Variants in NOL4L observed in about 807,000 individuals in gnomAD.
The protein encoded by NOL4L is nucleolar protein 4 like.
NOL4L carries 7 observed loss-of-function variants against 64.5 expected under a neutral mutation model. The observed-to-expected ratio is 0.11, with a 90% CI of 0.06 to 0.20. The LOEUF (loss-of-function observed/expected upper bound fraction) is 0.20, where lower values mean the gene tolerates loss of function less well. NOL4L is among the 10% of genes least tolerant of loss of function. The pLI is 1.00. For missense variants in NOL4L, 680 were observed against 967.1 expected (o/e 0.70, Z 3.94); for synonymous variants, 413 against 401.0 (o/e 1.03, Z -0.36).
chr20:32,550,153 G>A (rs6141318), intron 1 of NOL4L, among the ~76,000 whole-genome samples: 20,448 of 152,204 alleles, frequency 0.13, 1,957 homozygotes, highest in African/African-American at 0.27. Context: ...TGATTGCATC[G>A]TTGTGCGAAC....
chr20:32,550,298 G>T (rs1276117641), intron 1 of NOL4L, among the ~76,000 whole-genome samples: 2 of 152,328 alleles, frequency 1.3e-5, no homozygotes, highest in South Asian at 4.1e-4. Context: ...CCAGGCTGGA[G>T]TGCAATGGTG....
intron 1 of NOL4L, among the ~76,000 whole-genome samples, chr20:32,554,306 G>C (rs1568710397): frequency 7.5e-6 from 1 of 133,972 alleles, no homozygotes; most frequent in Non-Finnish European, 1.5e-5. Flanking sequence ...GGGCGACAGA[G>C]TGAGACTCTG....
intron 1 of NOL4L, among the ~76,000 whole-genome samples, chr20:32,534,252 C>T (rs1435456319): frequency 6.6e-6 from 1 of 152,168 alleles, no homozygotes; most frequent in Non-Finnish European, 1.5e-5. Flanking sequence ...TAGGATAGGC[C>T]TTCTGGTGCA....
In NOL4L at chr20:32,488,817, C is replaced by G. The variant is rs1600739081; in HGVS notation, c.700-14075G>C. On this transcript the variant is annotated intron_variant, in intron 4 of 10. Coordinates refer to ENST00000621426, the MANE Select transcript of NOL4L (RefSeq NM_001256798.2). ...TTTCTTTCTTTCTTTTTCTTTCTTT[C>G]TTTCTTTCTTTTTCTTTCTTTCTTT... is the stretch of plus-strand genomic sequence containing the variant. Among the ~76,000 whole-genome samples, 2 of 23,954 alleles carry G rather than the reference C, an allele frequency of 8.3e-5. 1 individual carries two copies. The highest frequency in any genetic ancestry group is 4.3e-3 in the East Asian group (2 of 462). 15.7% of individuals were successfully genotyped at this position (23,954 alleles called of 152,430 possible).
chr20:32,490,176 CACATTAT>C (rs2016411478), intron 4 of NOL4L, among the ~76,000 whole-genome samples: 1 of 146,522 alleles, frequency 6.8e-6, no homozygotes, highest in Non-Finnish European at 1.5e-5. Flanking sequence ...TGTATATACA[CACATTAT>C]GTATATATAT....
At chr20:32,492,690 G>A (rs570545996) in intron 4 of NOL4L, among the ~76,000 whole-genome samples, 1 of 152,360 alleles carries the variant, frequency 6.6e-6, no homozygotes, top group Admixed American at 6.5e-5. Flanking sequence ...CCTGTGCTGG[G>A]CAGTGTGTAT....
intron 6 of NOL4L, 29 bp downstream of exon 6, chr20:32,456,089 A>C: frequency 6.8e-7 from 1 of 1,469,490 alleles, no homozygotes; most frequent in African/African-American, 1.4e-5. Flanking sequence ...TTACAGAAAG[A>C]AATGGACTCA....
At position 32,464,475 on chromosome 20, in the gene NOL4L, G is replaced by A. The variant is rs546548598; in HGVS notation, c.842-8080C>T. Among the ~76,000 whole-genome samples the A allele has an allele frequency of 1.1e-4, 17 of 152,322 alleles. No homozygotes were observed. The highest frequency in any genetic ancestry group is 9.1e-4 in the Admixed American group (14 of 15,312). On this transcript the variant is annotated intron_variant, in intron 5 of 10. Coordinates refer to ENST00000621426, the MANE Select transcript of NOL4L (RefSeq NM_001256798.2). This position sits in a 1 kb window ranked among gnomAD's most constrained non-coding sequence, Gnocchi z 5.6. Reference sequence around the variant, plus strand: ...CCCTGTGGTTCACACAGCCTGGCCCGGCCCCAGCCACGGAGCAGGGAGCCC... The same window carrying A: ...CCCTGTGGTTCACACAGCCTGGCCCAGCCCCAGCCACGGAGCAGGGAGCCC...
chr20:32,494,060 C>T (rs6119252), intron 4 of NOL4L, among the ~76,000 whole-genome samples: 1 of 152,060 alleles, frequency 6.6e-6, no homozygotes, highest in African/African-American at 2.4e-5. Flanking sequence ...CAAGACCAGT[C>T]TGACCAACAT....
chr20:32,559,893 G>T (rs1297288281), intron 1 of NOL4L, among the ~76,000 whole-genome samples: 1 of 152,194 alleles, frequency 6.6e-6, no homozygotes, highest in Non-Finnish European at 1.5e-5. Flanking sequence ...CCGCCCACGC[G>T]GCCTCCCTGA....
intron 4 of NOL4L, among the ~76,000 whole-genome samples, chr20:32,503,209 A>C (rs1485303080): frequency 6.6e-6 from 1 of 152,242 alleles, no homozygotes; most frequent in African/African-American, 2.4e-5. Context: ...ACAGGGCCAG[A>C]AATTTACTGA....
At chr20:32,455,195 C>T (rs962889334) in intron 6 of NOL4L, among the ~76,000 whole-genome samples, 2 of 152,020 alleles carry the variant, frequency 1.3e-5, no homozygotes, top group Admixed American at 6.5e-5. Flanking sequence ...CCCTGGGCCC[C>T]CCATGTACCC....
chr20:32,531,199 T>G (rs1354042783), intron 1 of NOL4L, among the ~76,000 whole-genome samples: 1 of 152,138 alleles, frequency 6.6e-6, no homozygotes, highest in Non-Finnish European at 1.5e-5. Flanking sequence ...CAAAATTGTT[T>G]CAGACCAGAA....
chr20:32,540,549 A>G (rs1256051447), intron 1 of NOL4L, among the ~76,000 whole-genome samples: 1 of 152,056 alleles, frequency 6.6e-6, no homozygotes, highest in Non-Finnish European at 1.5e-5. Context: ...GACCTTCCAG[A>G]TGCATTCACT....
At chr20:32,519,480 T>G (rs568649294) in intron 3 of NOL4L, 1 of 108,488 alleles carries the variant, frequency 9.2e-6, no homozygotes, top group Non-Finnish European at 1.7e-5. Context: ...GGGCCTGACT[T>G]CAGCAACTTC....
At chr20:32,513,500 G>A (rs1239801893) in intron 3 of NOL4L, among the ~76,000 whole-genome samples, 1 of 152,172 alleles carries the variant, frequency 6.6e-6, no homozygotes, top group Non-Finnish European at 1.5e-5. Context: ...TCTGTTTAGG[G>A]TGATGAAAAA....
chr20:32,533,106 C>A (rs1215829035), intron 1 of NOL4L, among the ~76,000 whole-genome samples: 9 of 152,278 alleles, frequency 5.9e-5, no homozygotes, highest in African/African-American at 2.2e-4. Flanking sequence ...GGCAACACAG[C>A]AAGACCCATC....
intron 1 of NOL4L, among the ~76,000 whole-genome samples, chr20:32,553,120 C>T (rs967973765): frequency 9.9e-5 from 15 of 152,180 alleles, no homozygotes; most frequent in African/African-American, 3.6e-4. Flanking sequence ...CCCATTTCCA[C>T]CAGCAAATCC....
In NOL4L at chr20:32,456,215, G is replaced by A. The variant is rs146253793; in HGVS notation, c.1022C>T (p.Pro341Leu). The A allele has an allele frequency of 5.9e-4, 957 of 1,608,880 alleles. No individual in the cohort carries two copies. The highest frequency in any genetic ancestry group is 8.0e-4 in the South Asian group (72 of 90,160). The change falls in exon 6 of 11, where the codon CCG becomes CTG. Residue 341 changes from proline (P) to leucine (L), a missense_variant. Pro to Leu is a moderately conservative substitution (Grantham distance 98, BLOSUM62 -3). This residue lies in a region of NOL4L where 254 missense variants were observed against 238.7 expected (regional missense o/e 1.06). Transcript: ENST00000621426. Reference sequence around the variant, plus strand: ...GGAGGCTGTGCCAAGTGCCGTGGCCGGCGGGAGCTTGTCACACAGGTTGAT... The same window carrying A: ...GGAGGCTGTGCCAAGTGCCGTGGCCAGCGGGAGCTTGTCACACAGGTTGAT... ...QPINLCDKLP[P>L]ATALGTASYP...
Sources: allele counts gnomAD v4.1 joint callset (sites outside exome capture counted in the v4.1 genomes callset), GRCh38; gene constraint gnomAD v4.1.1; regional missense constraint gnomAD v4.1.1; non-coding constraint Gnocchi (gnomAD v3.1); transcripts MANE v1.5; gene names NCBI Gene and HGNC (gene_info 2026-07-23, HGNC 2026-07-21).